Variants in TRIOBP observed in about 807,000 individuals in gnomAD.
The protein encoded by TRIOBP is TRIO and F-actin-binding protein.
TRIOBP carries 169 observed loss-of-function variants against 238.8 expected under a neutral mutation model. The observed-to-expected ratio is 0.71, with a 90% CI of 0.62 to 0.80. The LOEUF (loss-of-function observed/expected upper bound fraction) is 0.80. TRIOBP is among the 30% of genes least tolerant of loss of function. The pLI is 0.00. For missense variants in TRIOBP, 2,838 were observed against 3,122.6 expected, an observed-to-expected ratio of 0.91 and a Z score of 2.17; for synonymous variants, 1,150 against 1,274.4, an observed-to-expected ratio of 0.90 and a Z score of 2.08.
Position 37,719,119 on chromosome 22 carries a change from C to G in TRIOBP, c.628+3185C>G, listed in dbSNP as rs1043297117. 9.7e-4 allele frequency among the ~76,000 whole-genome samples: 145 copies of G among 149,270 alleles called. 1 individual carries two copies. Among genetic ancestry groups the G allele is most frequent in the African/African-American group, 3.5e-3 (141 of 40,770 alleles). ...TCGGGATGCTGAGGCAGGAGGATCG[C>G]TTGAACTTGGGAGGTGGAGGTTGCC... On this transcript the variant is annotated intron_variant, in intron 6 of 23. Coordinates refer to ENST00000644935, the MANE Select transcript of TRIOBP (RefSeq NM_001039141.3).
Position 37,754,920 on chromosome 22 carries a change from A to G in TRIOBP, c.5423A>G (p.Lys1808Arg), listed in dbSNP as rs745396085. The G allele has an allele frequency of 8.7e-6, 14 of 1,614,148 alleles. No individual in the cohort carries two copies. In the South Asian group the frequency reaches 1.5e-4, roughly 18 times the overall value. ...SLTTTSTSQW[K>R]KHWFVLTDSS... is the part of the protein sequence containing the mutation. ...ACCACCACCTCTACTTCGCAGTGGA[A>G]GAAACATTGGTTTGTGCTGACAGAT... The change falls in exon 13 of 24, where the codon AAG becomes AGG. Residue 1808 changes from lysine (K) to arginine (R), a missense_variant. This residue lies in a region of TRIOBP where 2,096 missense variants were observed against 2,137.4 expected (regional missense o/e 0.98). Coordinates refer to ENST00000644935, the MANE Select transcript of TRIOBP (RefSeq NM_001039141.3).
At chr22:37,719,752 GCCT>G (rs746075330) in intron 6 of TRIOBP, among the ~76,000 whole-genome samples, 6 of 151,878 alleles carry the variant, frequency 4.0e-5, no homozygotes, top group Non-Finnish European at 8.8e-5. Flanking sequence ...TGCTGAGGCC[GCCT>G]CCTCTGCTTC....
At chr22:37,757,549 A>G (rs1290133713) in intron 15 of TRIOBP, 64 bp from the exon 16 acceptor site, 187 of 1,537,900 alleles carry the variant, frequency 1.2e-4, no homozygotes, top group Non-Finnish European at 1.5e-4. Context: ...TGTCGCTCCA[A>G]AAGTGCTCAT....
intron 10 of TRIOBP, 128 bp downstream of exon 10, chr22:37,738,847 C>G (rs1333165784): frequency 1.0e-6 from 1 of 973,668 alleles, no homozygotes; most frequent in East Asian, 2.7e-5. Flanking sequence ...ATGGGGTCAT[C>G]TATGTGCATG....
rs1925866721 is a variant in TRIOBP, at chr22:37,755,440, A to G, written c.5578-110A>G. 2.8e-6 allele frequency: 3 copies of G among 1,072,472 alleles called. No individual in the cohort carries two copies. In the South Asian group the frequency reaches 4.0e-5, roughly 14 times the overall value. 66.4% of individuals were successfully genotyped at this position (1,072,472 alleles called of 1,614,324 possible). On this transcript the variant is annotated intron_variant, in intron 14 of 23. Transcript: ENST00000644935. ...GTACCCCCTGCCCACCCCAGACTCA[A>G]GACCTTAGATGCATCCTGGGAAGGA...
chr22:37,769,969 T>C (rs1205664256), intron 21 of TRIOBP, among the ~76,000 whole-genome samples: 1 of 151,634 alleles, frequency 6.6e-6, no homozygotes, highest in Non-Finnish European at 1.5e-5. Flanking sequence ...CCTCAAGTGA[T>C]CTGCCTACCT....
chr22:37,751,177 G>C (rs142785318), intron 11 of TRIOBP: 237 of 400,362 alleles, frequency 5.9e-4, no homozygotes, highest in African/African-American at 3.8e-3. Flanking sequence ...CCGGGGCTGT[G>C]CCCCCCTGGG....
intron 21 of TRIOBP, among the ~76,000 whole-genome samples, chr22:37,770,164 C>T (rs1413446690): frequency 6.1e-5 from 9 of 148,652 alleles, no homozygotes; most frequent in African/African-American, 2.2e-4. Context: ...CCTGGCCGGG[C>T]GCGGTGGCTC....
At position 37,708,062 on chromosome 22, in the gene TRIOBP, C is replaced by T. The variant is rs985534262; in HGVS notation, c.115-2365C>T. Reference sequence around the variant, plus strand: ...GAGATCGAGACCATCCTGGCTAACACGGTGAAACCCTGTCTCTACTAAAAA... The same window carrying T: ...GAGATCGAGACCATCCTGGCTAACATGGTGAAACCCTGTCTCTACTAAAAA... On this transcript the variant is annotated intron_variant, in intron 3 of 23. Transcript: ENST00000644935. 6.0e-5 allele frequency among the ~76,000 whole-genome samples: 9 copies of T among 149,132 alleles called. No homozygotes were observed. In the East Asian group the frequency reaches 1.4e-3, roughly 23 times the overall value.
intron 6 of TRIOBP, among the ~76,000 whole-genome samples, chr22:37,721,139 G>A (rs1054005996): frequency 6.6e-6 from 1 of 151,662 alleles, no homozygotes; most frequent in African/African-American, 2.4e-5. Context: ...AAAGTGCTGG[G>A]ATTACAGGCA....
rs1447299857 is a variant in TRIOBP at position 37,769,735 on chromosome 22, C to A, written c.6849+360C>A. Among the ~76,000 whole-genome samples, 3 of 149,378 alleles carry A rather than the reference C, an allele frequency of 2.0e-5. No homozygotes were observed. In the East Asian group the frequency reaches 5.9e-4, roughly 29 times the overall value. ...TGTAGTATTTTCTTTCTTTTTCTTT[C>A]TTTCTTTTTTTGAGACAGAGTCTCT... is the stretch of plus-strand genomic sequence containing the variant. On this transcript the variant is annotated intron_variant, in intron 21 of 23. Transcript: ENST00000644935.
intron 15 of TRIOBP, among the ~76,000 whole-genome samples, chr22:37,757,021 TGA>T (rs1019515233): frequency 2.0e-5 from 3 of 152,110 alleles, no homozygotes; most frequent in Non-Finnish European, 4.4e-5. Flanking sequence ...ATCCATCCTG[TGA>T]GAGGCGTCGC....
chr22:37,739,477 A>C lies in TRIOBP; in HGVS notation c.5184+758A>C, dbSNP rs6000873. On this transcript the variant is annotated intron_variant, in intron 10 of 23. Transcript: ENST00000644935. ...CCCTGCCGTGAGTCAAAGCTGGGGG[A>C]ATTCTGCCCAAACCCTCACTGTGCA... 6.8e-3 allele frequency among the ~76,000 whole-genome samples: 1,035 copies of C among 152,206 alleles called. 13 individuals carry two copies. The highest frequency in any genetic ancestry group is 0.023 in the African/African-American group (967 of 41,494).
intron 8 of TRIOBP, among the ~76,000 whole-genome samples, chr22:37,733,735 A>C (rs1189549973): frequency 6.9e-6 from 1 of 145,966 alleles, no homozygotes; most frequent in Non-Finnish European, 1.5e-5. Flanking sequence ...CAGTGGGACA[A>C]TATTGGCTCA....
intron 11 of TRIOBP, 27 bp downstream of exon 11, chr22:37,741,059 G>A (rs1405690493): frequency 6.4e-7 from 1 of 1,557,488 alleles, no homozygotes; most frequent in Non-Finnish European, 8.7e-7. Context: ...GGGGACTGGA[G>A]GGGTGAGGGT....
intron 9 of TRIOBP, among the ~76,000 whole-genome samples, chr22:37,738,129 T>G (rs4821702): frequency 6.6e-6 from 1 of 152,214 alleles, no homozygotes; most frequent in Non-Finnish European, 1.5e-5. Flanking sequence ...AATGTGTGAA[T>G]GGATGATGGA....
At position 37,698,950 on chromosome 22, in the gene TRIOBP, G is replaced by C. The variant is rs774731443; in HGVS notation, c.-61+1254G>C. 4.1e-4 allele frequency among the ~76,000 whole-genome samples: 62 copies of C among 152,072 alleles called. 1 individual carries two copies. The highest frequency in any genetic ancestry group is 4.4e-5 in the Non-Finnish European group (3 of 68,012). On this transcript the variant is annotated intron_variant, in intron 2 of 23. Transcript: ENST00000644935. ...ATCACCTGAGGTCAGGAGTTCACCT[G>C]GCCAACATGGCGAAACCCCGTTGCT...
chr22:37,742,050 C>T (rs144598502), intron 11 of TRIOBP, among the ~76,000 whole-genome samples: 94 of 152,208 alleles, frequency 6.2e-4, no homozygotes, highest in African/African-American at 2.1e-3. Context: ...CTCTGCCTCC[C>T]GGGTCCAAGT....
chr22:37,699,637 G>A (rs1439597090), intron 2 of TRIOBP, among the ~76,000 whole-genome samples: 2 of 152,028 alleles, frequency 1.3e-5, no homozygotes, highest in Non-Finnish European at 2.9e-5. Flanking sequence ...CGCCTCCTGG[G>A]TTCAAGTGAT....
Sources: gnomAD v4.1 joint callset for allele counts (sites outside exome capture counted in the v4.1 genomes callset) on GRCh38, gnomAD v4.1.1 for gene constraint, gnomAD v4.1.1 regional missense constraint, MANE v1.5 for transcripts, NCBI Gene and HGNC (gene_info 2026-07-23, HGNC 2026-07-21) for gene names.